TTBK2: variants seen among roughly 807,000 people sequenced by gnomAD.
TTBK2 encodes the protein tau-tubulin kinase 2.
TTBK2 carries 28 observed loss-of-function variants against 110.8 expected under a neutral mutation model. The ratio of observed to expected loss-of-function variants is 0.25; its 90% CI spans 0.19 to 0.35. The LOEUF (loss-of-function observed/expected upper bound fraction) is 0.35. Among genes scored for constraint, TTBK2 ranks in the 10% least tolerant of loss-of-function variants. TTBK2 has a pLI of 1.00. For missense variants in TTBK2, 1,369 were observed against 1,500.3 expected (o/e 0.91, Z 1.45); for synonymous variants, 532 against 527.3 (o/e 1.01, Z -0.12).
chr15:42,878,410 T>C (rs1243025764), intron 2 of TTBK2, 139 bp downstream of exon 2: 1 of 1,494,468 alleles, frequency 6.7e-7, no homozygotes, highest in African/African-American at 1.4e-5. Context: ...ATAACTGCTT[T>C]AGGCATATAA....
At chr15:42,822,607 C>A (rs1187350339) in intron 6 of TTBK2, among the ~76,000 whole-genome samples, 1 of 151,628 alleles carries the variant, frequency 6.6e-6, no homozygotes, top group East Asian at 1.9e-4. Context: ...GAAAAAAAAA[C>A]AGAAAAATAG....
intron 13 of TTBK2, among the ~76,000 whole-genome samples, chr15:42,763,149 TATATATAC>T (rs1235907062): frequency 9.3e-4 from 56 of 60,428 alleles, no homozygotes; most frequent in African/African-American, 4.5e-3. Context: ...CATACATATA[TATATATAC>T]ATATATATAT....
chr15:42,808,856 A>T (rs950851438), intron 9 of TTBK2, among the ~76,000 whole-genome samples: 10 of 152,306 alleles, frequency 6.6e-5, no homozygotes, highest in Admixed American at 2.6e-4. Context: ...GTCTCAAAAA[A>T]TTTTTTTAAA....
intron 9 of TTBK2, among the ~76,000 whole-genome samples, chr15:42,808,085 T>C (rs2140917630): frequency 6.6e-6 from 1 of 152,316 alleles, no homozygotes. Context: ...AAACTTGATG[T>C]AATTTCCCAA....
intron 4 of TTBK2, among the ~76,000 whole-genome samples, chr15:42,832,452 T>C (rs1472536235): frequency 6.6e-6 from 1 of 152,200 alleles, no homozygotes; most frequent in Non-Finnish European, 1.5e-5. Flanking sequence ...TAAAGTGTTA[T>C]TAACATGGTA....
chr15:42,897,762 A>C (rs1895721868), intron 1 of TTBK2, among the ~76,000 whole-genome samples: 1 of 152,012 alleles, frequency 6.6e-6, no homozygotes, highest in African/African-American at 2.4e-5. Flanking sequence ...GTTGGACAGA[A>C]GATGTACAAG....
intron 7 of TTBK2, among the ~76,000 whole-genome samples, chr15:42,814,170 C>T (rs897603363): frequency 3.3e-5 from 5 of 151,916 alleles, no homozygotes; most frequent in African/African-American, 1.2e-4. Flanking sequence ...TACAGGCGCC[C>T]GCCACCACAC....
intron 1 of TTBK2, among the ~76,000 whole-genome samples, chr15:42,909,519 A>T (rs1052118179): frequency 1.3e-5 from 2 of 152,202 alleles, no homozygotes; most frequent in Admixed American, 1.3e-4. Flanking sequence ...CCTTAATTTA[A>T]TCATATATGC....
chr15:42,744,540 T>G lies in TTBK2; in HGVS notation c.*1255A>C, dbSNP rs1191641560. 1 of 152,192 alleles carries G rather than the reference T, an allele frequency of 6.6e-6. No homozygotes were observed. The highest frequency in any genetic ancestry group is 1.9e-4 in the East Asian group (1 of 5,204). The allele number at this position is 152,192 out of a possible 1,614,324, so 9.4% of individuals were successfully genotyped here. On this transcript the variant is annotated 3_prime_UTR_variant, in exon 15 of 15. Transcript: ENST00000267890. The stretch of plus-strand genomic sequence containing the variant: ...AAAGTCTGGTAGACTTTCATTTGCC[T>G]GATTCCTATTAGAAGAGTGAGATTA...
chr15:42,825,985 A>C (rs1361441382), intron 6 of TTBK2, among the ~76,000 whole-genome samples: 1 of 152,064 alleles, frequency 6.6e-6, no homozygotes, highest in Non-Finnish European at 1.5e-5. Flanking sequence ...ATTCTTCCTT[A>C]ATTTTTTAAT....
intron 3 of TTBK2, among the ~76,000 whole-genome samples, chr15:42,854,875 A>G (rs541072610): frequency 6.6e-6 from 1 of 152,182 alleles, no homozygotes. Context: ...AATCAACAAT[A>G]AAGTTTATGA....
chr15:42,900,742 G>A (rs1049445873), intron 1 of TTBK2, among the ~76,000 whole-genome samples: 1 of 151,988 alleles, frequency 6.6e-6, no homozygotes, highest in Non-Finnish European at 1.5e-5. Context: ...AAAAACAGTA[G>A]TTATTTCTAT....
chr15:42,766,445 G>GAAAAAAAAAAAAAAAA (rs1424460257), intron 13 of TTBK2, among the ~76,000 whole-genome samples: 1 of 15,152 alleles, frequency 6.6e-5, no homozygotes, highest in Non-Finnish European at 1.0e-4. Context: ...CGAATGGAAA[G>GAAAAAAAAAAAAAAAA]CAAAAAAAAA....
intron 3 of TTBK2, among the ~76,000 whole-genome samples, chr15:42,861,168 C>T (rs1567064732): frequency 6.6e-6 from 1 of 152,200 alleles, no homozygotes; most frequent in Non-Finnish European, 1.5e-5. Flanking sequence ...GAGACTTCAA[C>T]AGCCCATTGA....
At chr15:42,775,050 G>C (rs1312532242) in intron 13 of TTBK2, 85 bp downstream of exon 13, 8 of 1,438,602 alleles carry the variant, frequency 5.6e-6, no homozygotes, top group Non-Finnish European at 7.7e-6. Flanking sequence ...CTGTACTGAA[G>C]TATCTTAGTT....
chr15:42,760,914 C>T (rs1280290440), intron 13 of TTBK2, among the ~76,000 whole-genome samples: 1 of 152,150 alleles, frequency 6.6e-6, no homozygotes, highest in Non-Finnish European at 1.5e-5. Flanking sequence ...GGAGGTATAA[C>T]ACTACCTAAT....
At chr15:42,869,527 T>C (rs1037951082) in intron 3 of TTBK2, among the ~76,000 whole-genome samples, 1 of 151,844 alleles carries the variant, frequency 6.6e-6, no homozygotes, top group African/African-American at 2.4e-5. Context: ...GATATGTAGA[T>C]ATCATTACAA....
chr15:42,745,966 G>T lies in TTBK2; in HGVS notation c.3564C>A (p.Ser1188Arg). ...ATCCTGAGTGGCTGGGAGGTGACTT[G>T]CTTCTCCCCAGATGTGGGGACGAAC... ...QRSSSPHLGR[S>R]KSPPSHSGSS... The change falls in exon 15 of 15, where the codon AGC becomes AGA. Residue 1188 changes from serine to arginine, a missense_variant. By Grantham distance (110) the Ser-to-Arg change is moderately radical. Coordinates refer to ENST00000267890, the MANE Select transcript of TTBK2 (RefSeq NM_173500.4). 2 of 1,614,122 alleles carry T rather than the reference G, an allele frequency of 1.2e-6. No individual in the cohort carries two copies. Among genetic ancestry groups the T allele is most frequent in the African/African-American group, 2.7e-5 (2 of 75,034 alleles).
intron 1 of TTBK2, among the ~76,000 whole-genome samples, chr15:42,918,352 GT>G (rs536657969): frequency 2.3e-4 from 34 of 147,206 alleles, no homozygotes; most frequent in Admixed American, 4.1e-4. Flanking sequence ...CAGGCATGAG[GT>G]TTTTTTTTTT....
Sources: allele counts gnomAD v4.1 joint callset (sites outside exome capture counted in the v4.1 genomes callset), GRCh38; gene constraint gnomAD v4.1.1; transcripts MANE v1.5; gene names NCBI Gene and HGNC (gene_info 2026-07-23, HGNC 2026-07-21).